The following C1RL variants were observed in gnomAD, a reference collection of about 807,000 sequenced individuals.
C1RL encodes complement C1r subcomponent like, also known as complement C1r subcomponent-like protein.
In C1RL, 27 loss-of-function variants were observed where a neutral mutation model predicts 27.9. The ratio of observed to expected loss-of-function variants is 0.97; its 90% CI spans 0.71 to 1.33. C1RL has a LOEUF of 1.33. C1RL is among the 40% of genes most tolerant of loss of function. The pLI, the probability that C1RL is intolerant of heterozygous loss-of-function variation, is 0.00. For missense variants in C1RL, 563 were observed against 623.9 expected, an observed-to-expected ratio of 0.90 and a Z score of 1.04; for synonymous variants, 248 against 252.1, an observed-to-expected ratio of 0.98 and a Z score of 0.15.
At chr12:7,108,743 C>T in intron 1 of C1RL, 1 of 568,224 alleles carries the variant, frequency 1.8e-6, no homozygotes, top group Non-Finnish European at 3.1e-6. Context: ...TGCTCATCTC[C>T]CAGGAGAGTC....
intron 5 of C1RL, 119 bp from the exon 6 acceptor site, chr12:7,097,282 CGTT>C (rs1481044086): frequency 6.9e-5 from 51 of 743,984 alleles, no homozygotes; most frequent in South Asian, 2.2e-4. Context: ...GGGATCAGGA[CGTT>C]TTTTTTTTTT....
intron 2 of C1RL, among the ~76,000 whole-genome samples, chr12:7,102,616 C>T (rs1017957642): frequency 2.0e-5 from 3 of 152,300 alleles, no homozygotes; most frequent in Middle Eastern, 6.8e-3. Flanking sequence ...GCAGTAATAC[C>T]CTCTGCAGAG....
intron 1 of C1RL, 144 bp downstream of exon 1, chr12:7,108,966 G>GGTGTGTGTGTGTGTGTGTGT (rs764538217): frequency 5.4e-6 from 2 of 367,970 alleles, no homozygotes; most frequent in Admixed American, 5.1e-5. Flanking sequence ...ATGTGGGGGA[G>GGTGTGTGTGTGTGTGTGTGT]GTGTGTGTGT....
At chr12:7,103,275 G>T (rs1180425283) in intron 2 of C1RL, among the ~76,000 whole-genome samples, 3 of 152,204 alleles carry the variant, frequency 2.0e-5, no homozygotes, top group African/African-American at 7.2e-5. Flanking sequence ...TCCCTGAATT[G>T]TTAGCGAAAT....
intron 2 of C1RL, among the ~76,000 whole-genome samples, chr12:7,107,118 G>A (rs903861001): frequency 9.9e-5 from 15 of 152,102 alleles, no homozygotes; most frequent in African/African-American, 3.4e-4. Context: ...CAGCACTCAG[G>A]GGCGGGGAGG....
At position 7,102,075 on chromosome 12, in the gene C1RL, C is replaced by T. The variant is rs141143315; in HGVS notation, c.313G>A (p.Gly105Ser). 1.2e-3 allele frequency: 1,963 copies of T among 1,603,654 alleles called. 7 individuals are homozygous for T. The highest frequency in any genetic ancestry group is 2.7e-3 in the South Asian group (243 of 90,916). The change falls in exon 3 of 6, where the codon GGT (glycine) becomes AGT (serine). Residue 105 changes from glycine (G) to serine (S), a missense_variant. Gly to Ser is a moderately conservative substitution (Grantham distance 56). Coordinates refer to ENST00000266542, the MANE Select transcript of C1RL (RefSeq NM_016546.4). ...CCACAGAACTGGCTTGGATCCGAACCGACGAATGAGATCTGAAAGCGGGAG... is the reference window on the plus strand; with the variant it reads ...CCACAGAACTGGCTTGGATCCGAACTGACGAATGAGATCTGAAAGCGGGAG... ...AGDSVTISFV[G>S]SDPSQFCGQQ...
At chr12:7,105,477 C>A (rs1938741535) in intron 2 of C1RL, among the ~76,000 whole-genome samples, 1 of 152,258 alleles carries the variant, frequency 6.6e-6, no homozygotes, top group African/African-American at 2.4e-5. Context: ...ACCATGTTGG[C>A]CAGGCTGGTC....
At chr12:7,108,071 G>T in intron 2 of C1RL, 180 bp downstream of exon 2, 1 of 471,692 alleles carries the variant, frequency 2.1e-6, no homozygotes, top group Non-Finnish European at 3.7e-6. Flanking sequence ...CCCCGGAGGC[G>T]CTGGTGGGAG....
At chr12:7,097,316 C>T in intron 5 of C1RL, 153 bp from the exon 6 acceptor site, 1 of 682,364 alleles carries the variant, frequency 1.5e-6, no homozygotes, top group African/African-American at 1.9e-5. Flanking sequence ...GAGTTTCGCT[C>T]TTGTTGCCCA....
chr12:7,108,494 G>GT lies in C1RL; in HGVS notation c.72-16_72-15insA. On this transcript the variant is annotated splice_polypyrimidine_tract_variant and intron_variant, in intron 1 of 5. Transcript: ENST00000266542. ...GCAGCCACCACCTGTGAGTTGGGGG[G>GT]AGGGCAAGGTGGGGCCGCGCAGCTA... The GT allele has an allele frequency of 1.3e-6, 2 of 1,568,292 alleles. No homozygotes were observed. The highest frequency in any genetic ancestry group is 1.7e-6 in the Non-Finnish European group (2 of 1,153,104).
At chr12:7,108,989 GGGGGGGGGGGGGA>G (rs1565640548) in intron 1 of C1RL, 108 bp downstream of exon 1, 124 of 70,116 alleles carry the variant, frequency 1.8e-3, no homozygotes, top group Admixed American at 3.1e-3. Flanking sequence ...GTGTGTGTGT[GGGGGGGGGGGGGA>G]TGTGTGTGTG....
Position 7,108,273 on chromosome 12 carries a change from T to G in C1RL, c.278A>C (p.Asp93Ala). 1 of 1,613,608 alleles carries G rather than the reference T, an allele frequency of 6.2e-7. No homozygotes were observed. The highest frequency in any genetic ancestry group is 8.5e-7 in the Non-Finnish European group (1 of 1,179,740). Residue 93 changes from aspartate (D) to alanine (A), a missense_variant, in exon 2 of 6, where the codon GAC becomes GCC. Transcript: ENST00000266542. Reference protein sequence around the residue: ...FQDFDLEPSQDCAGDSVTISF... With the variant: ...FQDFDLEPSQACAGDSVTISF... ...CACTGTGACAGAGTCCCCTGCACAG[T>G]CCTGGGACGGCTCCAGGTCGAAGTC...
intron 5 of C1RL, among the ~76,000 whole-genome samples, chr12:7,099,247 A>AAAAAAAAAAAAAAC (rs1938542614): frequency 6.7e-6 from 1 of 148,742 alleles, no homozygotes. Context: ...AAAAAAAAAA[A>AAAAAAAAAAAAAAC]AAAAAAAGTG....
rs942865169 is a variant in C1RL, at chr12:7,104,110, A to G, written c.301-2023T>C. Reference sequence around the variant, plus strand: ...GAGTGGAGATGCAAGTGATAACTTGAGTTTGCAATGATGGGAGCCAACATA... The same window carrying G: ...GAGTGGAGATGCAAGTGATAACTTGGGTTTGCAATGATGGGAGCCAACATA... On this transcript the variant is annotated intron_variant, in intron 2 of 5. Transcript: ENST00000266542. This position sits in a 1 kb window ranked among gnomAD's most constrained non-coding sequence, Gnocchi z 5.4. Among the ~76,000 whole-genome samples, 2 of 152,230 alleles carry G rather than the reference A, an allele frequency of 1.3e-5. No individual in the cohort carries two copies. The highest frequency in any genetic ancestry group is 4.8e-5 in the African/African-American group (2 of 41,458).
rs771525566 is a variant in C1RL at position 7,097,007 on chromosome 12, T to G, written c.848A>C (p.His283Pro). The G allele has an allele frequency of 1.2e-6, 2 of 1,614,136 alleles. No homozygotes were observed. The highest frequency in any genetic ancestry group is 2.2e-5 in the South Asian group (2 of 91,090). The change falls in exon 6 of 6, where the codon CAC becomes CCC. Residue 283 changes from histidine (H) to proline (P), a missense_variant. His to Pro is a moderately conservative substitution (Grantham distance 77, BLOSUM62 -2). Transcript: ENST00000266542. Reference protein sequence around the residue: ...LGDRWILTAAHTIYPKDSVSL... With the variant: ...LGDRWILTAAPTIYPKDSVSL... ...AACACTGTCCTTGGGGTAGATGGTG[T>G]GGGCAGCAGTGAGGATCCATCTGTC... is the stretch of plus-strand genomic sequence containing the variant.
chr12:7,095,473 C>G lies in C1RL; in HGVS notation c.*918G>C. 1 of 991,622 alleles carries G rather than the reference C, an allele frequency of 1.0e-6. No homozygotes were observed. The highest frequency in any genetic ancestry group is 4.4e-5 in the South Asian group (1 of 22,846). The allele number at this position is 991,622 out of a possible 1,614,324, so 61.4% of individuals were successfully genotyped here. ...TGGTCCTCTCAGGTGGAGCAGTTCC[C>G]CTGATGATAGGGGCACAGGTGGGGT... On this transcript the variant is annotated 3_prime_UTR_variant, in exon 6 of 6. Transcript: ENST00000266542.
intron 2 of C1RL, among the ~76,000 whole-genome samples, chr12:7,107,782 G>A (rs757262588): frequency 6.6e-6 from 1 of 152,160 alleles, no homozygotes; most frequent in Non-Finnish European, 1.5e-5. Flanking sequence ...TTTTTAAAAT[G>A]TCCTTATTCT....
intron 2 of C1RL, 151 bp downstream of exon 2, chr12:7,108,100 C>T: frequency 1.6e-6 from 1 of 611,504 alleles, no homozygotes; most frequent in South Asian, 2.4e-5. Context: ...CTGGGGTCCA[C>T]CACTGCTCCC....
rs1034183067 is a variant in C1RL, at chr12:7,104,678, T to G, written c.301-2591A>C. Among the ~76,000 whole-genome samples the G allele has an allele frequency of 6.6e-6, 1 of 152,238 alleles. No homozygotes were observed. The highest frequency in any genetic ancestry group is 2.4e-5 in the African/African-American group (1 of 41,468). On this transcript the variant is annotated intron_variant, in intron 2 of 5. Coordinates refer to ENST00000266542, the MANE Select transcript of C1RL (RefSeq NM_016546.4). The surrounding 1 kb of genome is among the most constrained non-coding windows in gnomAD (Gnocchi z 5.4). ...CATCCTGAACTGCTGCAACAGGCTG[T>G]GGCCACCCGTGACCCCAAACTGGAA...
Sources: allele counts gnomAD v4.1 joint callset (sites outside exome capture counted in the v4.1 genomes callset), GRCh38; gene constraint gnomAD v4.1.1; non-coding constraint Gnocchi (gnomAD v3.1); transcripts MANE v1.5; gene names NCBI Gene and HGNC (gene_info 2026-07-23, HGNC 2026-07-21).